TMC1: variants seen among roughly 807,000 people sequenced by gnomAD.
TMC1 encodes the protein transmembrane channel-like protein 1.
Under a neutral mutation model 105.8 loss-of-function variants are expected in TMC1, and 84 were observed. That is an observed-to-expected ratio of 0.79 (90% CI 0.67 to 0.95). The LOEUF (loss-of-function observed/expected upper bound fraction) is 0.95, where lower values mean the gene tolerates loss of function less well. Among genes scored for constraint, TMC1 ranks in the 40% least tolerant of loss-of-function variants. The pLI, the probability that TMC1 is intolerant of heterozygous loss-of-function variation, is 0.00. For synonymous variants in TMC1, 315 were observed against 311.5 expected, an observed-to-expected ratio of 1.01 and a Z score of -0.12; for missense variants, 817 against 914.1, an observed-to-expected ratio of 0.89 and a Z score of 1.37.
intron 1 of TMC1, among the ~76,000 whole-genome samples, chr9:72,526,021 A>G (rs1379510444): frequency 6.6e-6 from 1 of 152,120 alleles, no homozygotes; most frequent in African/African-American, 2.4e-5. Context: ...CCACAGACTA[A>G]GTAAGCATTA....
intron 1 of TMC1, among the ~76,000 whole-genome samples, chr9:72,563,842 G>A (rs1824099844): frequency 7.1e-6 from 1 of 140,282 alleles, no homozygotes; most frequent in Non-Finnish European, 1.5e-5. Flanking sequence ...GGAGGCTGCA[G>A]TGAACGAGAT....
chr9:72,743,637 G>T (rs1827436987), intron 10 of TMC1, among the ~76,000 whole-genome samples: 1 of 150,880 alleles, frequency 6.6e-6, no homozygotes, highest in Admixed American at 6.6e-5. Context: ...AATCTCTGAA[G>T]TAGAATAAGC....
At chr9:72,774,580 G>A (rs996285435) in intron 13 of TMC1, among the ~76,000 whole-genome samples, 1 of 151,960 alleles carries the variant, frequency 6.6e-6, no homozygotes, top group Admixed American at 6.6e-5. Context: ...ATAGCTGCAG[G>A]GCATCAAATC....
chr9:72,730,584 G>A (rs1471201744), intron 8 of TMC1, among the ~76,000 whole-genome samples: 1 of 152,188 alleles, frequency 6.6e-6, no homozygotes, highest in Non-Finnish European at 1.5e-5. Flanking sequence ...CAACCTTTCT[G>A]ATACCAGGGA....
At chr9:72,565,126 A>G (rs1219509099) in intron 1 of TMC1, among the ~76,000 whole-genome samples, 1 of 152,240 alleles carries the variant, frequency 6.6e-6, no homozygotes, top group Non-Finnish European at 1.5e-5. Flanking sequence ...CCAAGGTCTT[A>G]CTTTAACCAG....
chr9:72,703,825 G>A (rs2117880851), intron 8 of TMC1, among the ~76,000 whole-genome samples: 1 of 152,368 alleles, frequency 6.6e-6, no homozygotes, highest in East Asian at 1.9e-4. Context: ...ATGGCCAGAA[G>A]TGGTTTCTGC....
At chr9:72,662,676 A>T (rs1825986242) in intron 5 of TMC1, among the ~76,000 whole-genome samples, 2 of 152,158 alleles carry the variant, frequency 1.3e-5, no homozygotes, top group Non-Finnish European at 2.9e-5. Context: ...GTGCTCACTA[A>T]TTAATAAACA....
At chr9:72,636,020 A>T (rs1282869350) in intron 4 of TMC1, among the ~76,000 whole-genome samples, 5 of 152,186 alleles carry the variant, frequency 3.3e-5, no homozygotes, top group Admixed American at 2.6e-4. Flanking sequence ...AGAATCCAGG[A>T]TCCAGAATGG....
chr9:72,610,793 C>T (rs894752125), intron 2 of TMC1, among the ~76,000 whole-genome samples: 3 of 152,212 alleles, frequency 2.0e-5, no homozygotes, highest in Non-Finnish European at 2.9e-5. Context: ...CTGGTAACAC[C>T]TCACAGAGGA....
At chr9:72,727,026 C>A in intron 8 of TMC1, among the ~76,000 whole-genome samples, 1 of 152,274 alleles carries the variant, frequency 6.6e-6, no homozygotes. Context: ...TATCAAGCCA[C>A]GTAGATGGCC....
At chr9:72,793,242 C>A (rs904805963) in intron 17 of TMC1, among the ~76,000 whole-genome samples, 3 of 152,136 alleles carry the variant, frequency 2.0e-5, no homozygotes, top group Non-Finnish European at 4.4e-5. Flanking sequence ...CCAACCACAC[C>A]CCTTAGAAAA....
intron 18 of TMC1, among the ~76,000 whole-genome samples, chr9:72,814,029 A>G (rs148065037): frequency 6.6e-6 from 1 of 152,298 alleles, no homozygotes; most frequent in African/African-American, 2.4e-5. Context: ...AACTAGTTAT[A>G]AAATGTCTCA....
At chr9:72,804,671 C>T (rs542373818) in intron 17 of TMC1, among the ~76,000 whole-genome samples, 7 of 152,276 alleles carry the variant, frequency 4.6e-5, no homozygotes, top group Non-Finnish European at 1.0e-4. Context: ...TGATCAAGCT[C>T]CAAACACTTT....
At chr9:72,586,779 T>C (rs1824560641) in intron 2 of TMC1, among the ~76,000 whole-genome samples, 1 of 152,340 alleles carries the variant, frequency 6.6e-6, no homozygotes. Context: ...GCCCTACTTT[T>C]CTACCTGCTC....
At chr9:72,614,390 A>T (rs1207850472) in intron 2 of TMC1, among the ~76,000 whole-genome samples, 2 of 152,216 alleles carry the variant, frequency 1.3e-5, no homozygotes, top group Non-Finnish European at 2.9e-5. Context: ...TTTGAAATTC[A>T]TACTTAGTGT....
intron 8 of TMC1, among the ~76,000 whole-genome samples, chr9:72,725,669 G>C (rs1448200434): frequency 1.3e-5 from 2 of 151,684 alleles, no homozygotes; most frequent in Non-Finnish European, 2.9e-5. Flanking sequence ...GCCTTCCCCA[G>C]CCCACTGACT....
intron 1 of TMC1, among the ~76,000 whole-genome samples, chr9:72,549,598 A>G (rs1587951036): frequency 7.0e-6 from 1 of 142,402 alleles, no homozygotes; most frequent in African/African-American, 2.7e-5. Flanking sequence ...ACGTACCACC[A>G]CATCTGGCTA....
intron 5 of TMC1, among the ~76,000 whole-genome samples, chr9:72,664,586 G>A (rs1826013633): frequency 6.6e-6 from 1 of 152,174 alleles, no homozygotes; most frequent in African/African-American, 2.4e-5. Flanking sequence ...TGCAGAGAAA[G>A]AGAGAAGAGA....
chr9:72,565,304 G>A (rs1824128837), intron 1 of TMC1, among the ~76,000 whole-genome samples: 1 of 152,150 alleles, frequency 6.6e-6, no homozygotes, highest in Admixed American at 6.5e-5. Flanking sequence ...AAGCCTTAAG[G>A]ACAAATAGTA....
Sources: gnomAD v4.1 joint callset for allele counts (sites outside exome capture counted in the v4.1 genomes callset) on GRCh38, gnomAD v4.1.1 for gene constraint, MANE v1.5 for transcripts, NCBI Gene and HGNC (gene_info 2026-07-23, HGNC 2026-07-21) for gene names.